TDRD12: variants seen among roughly 807,000 people sequenced by gnomAD.
The protein encoded by TDRD12 is putative ATP-dependent RNA helicase TDRD12.
TDRD12 carries 158 observed loss-of-function variants against 133.5 expected under a neutral mutation model. The ratio of observed to expected loss-of-function variants is 1.18; its 90% CI spans 1.04 to 1.35. The LOEUF is 1.35. Among genes scored for constraint, TDRD12 ranks in the 40% most tolerant of loss-of-function variants. The pLI is 0.00. For missense variants in TDRD12, 1,443 were observed against 1,321.3 expected, an observed-to-expected ratio of 1.09 and a Z score of -1.43; for synonymous variants, 460 against 477.9, an observed-to-expected ratio of 0.96 and a Z score of 0.49.
intron 8 of TDRD12, among the ~76,000 whole-genome samples, chr19:32,767,313 G>C (rs1970328587): frequency 6.6e-6 from 1 of 151,530 alleles, no homozygotes; most frequent in South Asian, 2.1e-4. Flanking sequence ...ATTTTTAGTA[G>C]AGATGGGGTT....
intron 6 of TDRD12, among the ~76,000 whole-genome samples, chr19:32,753,017 C>T (rs1013548633): frequency 2.6e-5 from 4 of 152,036 alleles, no homozygotes; most frequent in African/African-American, 9.7e-5. Flanking sequence ...TGGTCTCGAT[C>T]TCCTGACCTC....
chr19:32,826,399 T>G (rs1398344481), intron 8 of TDRD12, 42 bp downstream of exon 30: 4 of 1,239,304 alleles, frequency 3.2e-6, no homozygotes, highest in Non-Finnish European at 4.0e-6. Context: ...TAGAAATAAT[T>G]TTTAGCATTT....
chr19:32,823,069 G>A (rs1006788357), downstream of TDRD12, among the ~76,000 whole-genome samples: 3 of 152,162 alleles, frequency 2.0e-5, no homozygotes, highest in South Asian at 2.1e-4. Context: ...CCCTCATTCC[G>A]CTTCCCAGGA....
At chr19:32,748,925 T>A in intron 5 of TDRD12, among the ~76,000 whole-genome samples, 1 of 152,372 alleles carries the variant, frequency 6.6e-6, no homozygotes, top group Admixed American at 6.5e-5. Flanking sequence ...TGTGTAATAT[T>A]CATTACTTCT....
intron 6 of TDRD12, among the ~76,000 whole-genome samples, chr19:32,754,669 CTTTTTTTT>C (rs35714049): frequency 0.014 from 965 of 70,168 alleles, 15 homozygotes; most frequent in African/African-American, 0.056. Flanking sequence ...ATGACTCTAT[CTTTTTTTT>C]TTTTTTTTTT....
intron 3 of TDRD12, among the ~76,000 whole-genome samples, chr19:32,742,274 A>T (rs1233006106): frequency 6.6e-6 from 1 of 151,996 alleles, no homozygotes; most frequent in East Asian, 1.9e-4. Context: ...CTCCTGCCTC[A>T]GCCTCCTGAG....
At chr19:32,803,343 A>G (rs115333045) in intron 21 of TDRD12, among the ~76,000 whole-genome samples, 188 of 151,316 alleles carry the variant, frequency 1.2e-3, no homozygotes, top group African/African-American at 4.0e-3. Flanking sequence ...ATGATTTTGA[A>G]CTCCATAGAA....
chr19:32,804,441 C>T (rs1274642049), intron 21 of TDRD12, among the ~76,000 whole-genome samples: 2 of 151,158 alleles, frequency 1.3e-5, no homozygotes, highest in Non-Finnish European at 3.0e-5. Context: ...CACCTGTAAT[C>T]CCAGCACTTC....
intron 13 of TDRD12, among the ~76,000 whole-genome samples, chr19:32,794,279 A>G (rs1312663979): frequency 1.3e-5 from 2 of 149,794 alleles, no homozygotes; most frequent in Non-Finnish European, 3.0e-5. Flanking sequence ...CTAATTTTGT[A>G]TTTTTGGTAG....
At position 32,815,527 on chromosome 19, in the gene TDRD12, TG is replaced by T. The variant is rs1967148626; in HGVS notation, c.3224del (p.Gly1075AlafsTer8). 6.5e-7 allele frequency: 1 copy of T among 1,536,466 alleles called. No individual in the cohort carries two copies. The highest frequency in any genetic ancestry group is 2.4e-5 in the East Asian group (1 of 40,932). ...CGAGCTGAAATTTTGTCCATGGGCA[TG>T]GGCATTGATAATCCAGAACACATAG... On this transcript the variant is annotated frameshift_variant, in exon 26 of 28. Coordinates refer to ENST00000444215, the Ensembl canonical transcript of TDRD12. LOFTEE classifies it high-confidence loss of function.
At chr19:32,721,434 G>A (rs1356557920) in intron 1 of TDRD12, among the ~76,000 whole-genome samples, 1 of 152,018 alleles carries the variant, frequency 6.6e-6, no homozygotes, top group Non-Finnish European at 1.5e-5. Context: ...TGTCTAGGCT[G>A]GAGTGCAGTG....
At chr19:32,754,281 C>T (rs2145538001) in intron 6 of TDRD12, among the ~76,000 whole-genome samples, 1 of 152,250 alleles carries the variant, frequency 6.6e-6, no homozygotes, top group South Asian at 2.1e-4. Context: ...CCATCCTGGG[C>T]AACATGGTGA....
At position 32,810,091 on chromosome 19, in the gene TDRD12, A is replaced by G. The variant is rs1568491835; in HGVS notation, c.2653-2A>G. 17 of 1,506,576 alleles carry G rather than the reference A, an allele frequency of 1.1e-5. No homozygotes were observed. The highest frequency in any genetic ancestry group is 2.1e-5 in the Admixed American group (1 of 47,708). 93.3% of individuals were successfully genotyped at this position (1,506,576 alleles called of 1,614,324 possible). On this transcript the variant is annotated splice_acceptor_variant, in intron 22 of 27. Coordinates refer to ENST00000444215, the Ensembl canonical transcript of TDRD12. LOFTEE classifies it high-confidence loss of function. Reference sequence around the variant, plus strand: ...TGGTCATGTTTACTATATATGTTTCAGATAATACCTTTTTATATTTTGAAT... The same window carrying G: ...TGGTCATGTTTACTATATATGTTTCGGATAATACCTTTTTATATTTTGAAT...
At chr19:32,781,367 T>C (rs1342686983) in intron 11 of TDRD12, among the ~76,000 whole-genome samples, 2 of 152,258 alleles carry the variant, frequency 1.3e-5, no homozygotes, top group East Asian at 3.8e-4. Context: ...GTGCCTGATA[T>C]GTCCCGTGTT....
chr19:32,729,778 C>CTTTTTTT (rs1162347194), intron 1 of TDRD12, among the ~76,000 whole-genome samples: 1,341 of 73,890 alleles, frequency 0.018, 70 homozygotes, highest in East Asian at 0.037. Context: ...TTTTCTTTTT[C>CTTTTTTT]TTTTTTTTTT....
At chr19:32,752,454 A>G (rs563724850) in intron 6 of TDRD12, among the ~76,000 whole-genome samples, 29 of 152,298 alleles carry the variant, frequency 1.9e-4, no homozygotes, top group Non-Finnish European at 3.8e-4. Flanking sequence ...TGCTGGGATT[A>G]CAGGCGTGAG....
Position 32,745,813 on chromosome 19 carries a change from T to TGTGA in TDRD12, c.441-2662_441-2661insTGAG, listed in dbSNP as rs1171510026. On this transcript the variant is annotated intron_variant, in intron 4 of 27. Coordinates refer to ENST00000444215, the Ensembl canonical transcript of TDRD12. Reference sequence around the variant, plus strand: ...TTCTGTGTGTGTGTGTGTGTGTGTGTGAGAGAGAAGGAGAGAGACTGGCTG... The same window carrying TGTGA: ...TTCTGTGTGTGTGTGTGTGTGTGTGTGTGAGAGAGAGAAGGAGAGAGACTGGCTG... Among the ~76,000 whole-genome samples, 90 of 106,546 alleles carry TGTGA rather than the reference T, an allele frequency of 8.4e-4. 2 individuals are homozygous for TGTGA. The highest frequency in any genetic ancestry group is 6.7e-4 in the Non-Finnish European group (36 of 53,710). 69.9% of individuals were successfully genotyped at this position (106,546 alleles called of 152,430 possible).
At chr19:32,765,504 G>A (rs184547443) in intron 8 of TDRD12, among the ~76,000 whole-genome samples, 1,649 of 152,256 alleles carry the variant, frequency 0.011, 38 homozygotes, top group African/African-American at 0.038. Flanking sequence ...GTCCAAAAAT[G>A]ATAGACTGGA....
chr19:32,727,171 T>C, intron 1 of TDRD12, among the ~76,000 whole-genome samples: 1 of 152,112 alleles, frequency 6.6e-6, no homozygotes, highest in East Asian at 1.9e-4. Context: ...TCCTCATGAG[T>C]GTCAGGTAGT....
Sources: gnomAD v4.1 joint callset for allele counts (sites outside exome capture counted in the v4.1 genomes callset) on GRCh38, gnomAD v4.1.1 for gene constraint, MANE v1.5 for transcripts, NCBI Gene and HGNC (gene_info 2026-07-23, HGNC 2026-07-21) for gene names.